The following MYO10 variants were observed in gnomAD, a reference collection of about 807,000 sequenced individuals.
The protein encoded by MYO10 is unconventional myosin-X.
MYO10 carries 133 observed loss-of-function variants against 257.3 expected under a neutral mutation model. The ratio of observed to expected loss-of-function variants is 0.52; its 90% CI spans 0.45 to 0.60. MYO10 has a LOEUF of 0.60. Among genes scored for constraint, MYO10 ranks in the 20% least tolerant of loss-of-function variants. The pLI, the probability that MYO10 is intolerant of heterozygous loss-of-function variation, is 0.00. For synonymous variants in MYO10, 1,104 were observed against 1,028.6 expected, an observed-to-expected ratio of 1.07 and a Z score of -1.40; for missense variants, 2,399 against 2,635.7, an observed-to-expected ratio of 0.91 and a Z score of 1.97.
intron 3 of MYO10, among the ~76,000 whole-genome samples, chr5:16,812,555 T>G (rs546175253): frequency 6.6e-4 from 100 of 152,332 alleles, no homozygotes; most frequent in African/African-American, 2.3e-3. Flanking sequence ...CAAGGCCATG[T>G]GCTGTGAGCT....
chr5:16,792,132 C>CACAGAGAG (rs755315207), intron 4 of MYO10, among the ~76,000 whole-genome samples: 15 of 75,380 alleles, frequency 2.0e-4, no homozygotes, highest in Admixed American at 1.0e-3. Flanking sequence ...CACACACACA[C>CACAGAGAG]AGAGAGAGAG....
At chr5:16,912,147 T>C (rs949342927) in intron 1 of MYO10, among the ~76,000 whole-genome samples, 1 of 152,202 alleles carries the variant, frequency 6.6e-6, no homozygotes, top group African/African-American at 2.4e-5. Context: ...CTTCTTCCAA[T>C]GTGGCCCAGG....
chr5:16,674,330 G>A (rs1215597326), intron 35 of MYO10, among the ~76,000 whole-genome samples: 6 of 151,996 alleles, frequency 3.9e-5, no homozygotes, highest in Non-Finnish European at 5.9e-5. Context: ...TTAGCCAGGC[G>A]TTGTGGCGGG....
At chr5:16,911,193 C>G (rs1745647899) in intron 1 of MYO10, among the ~76,000 whole-genome samples, 1 of 152,148 alleles carries the variant, frequency 6.6e-6, no homozygotes, top group Admixed American at 6.6e-5. Context: ...AGGATCCATT[C>G]AGAAAATACA....
In MYO10 at chr5:16,673,884, C is replaced by G. The variant is rs763156137; in HGVS notation, c.4970G>C (p.Arg1657Pro). 2 of 1,613,612 alleles carry G rather than the reference C, an allele frequency of 1.2e-6. No individual in the cohort carries two copies. Among genetic ancestry groups the G allele is most frequent in the Non-Finnish European group, 1.7e-6 (2 of 1,179,788 alleles). The change falls in exon 36 of 41, where the codon CGG (arginine) becomes CCG (proline). Residue 1657 changes from arginine to proline, a missense_variant. Arg to Pro is a moderately radical substitution (Grantham distance 103, BLOSUM62 -2). This residue lies in a region of MYO10 where 1,820 missense variants were observed against 1,939.4 expected (regional missense o/e 0.94). Transcript: ENST00000513610. ...KYLKFHLKRI[R>P]EQFPGSEMEK... The stretch of plus-strand genomic sequence containing the variant: ...CATCTCGCTTCCTGGAAACTGTTCC[C>G]GTATCCTAGGAGGCAAACACTAACT...
intron 9 of MYO10, among the ~76,000 whole-genome samples, chr5:16,777,067 A>T (rs1305781805): frequency 2.0e-5 from 3 of 152,216 alleles, no homozygotes; most frequent in African/African-American, 7.2e-5. Context: ...GACAGTAATA[A>T]ATGAACCGTG....
At chr5:16,809,495 G>A (rs1044313932) in intron 3 of MYO10, among the ~76,000 whole-genome samples, 36 of 152,354 alleles carry the variant, frequency 2.4e-4, no homozygotes, top group African/African-American at 8.2e-4. Context: ...ATGGCAAGCA[G>A]GCCGTGACTT....
chr5:16,694,324 T>C, intron 27 of MYO10, 47 bp downstream of exon 27: 4 of 1,611,162 alleles, frequency 2.5e-6, no homozygotes, highest in Admixed American at 1.7e-5. Context: ...ACCACCAGCA[T>C]AAACCATGAG....
At chr5:16,800,679 C>T (rs960358281) in intron 3 of MYO10, among the ~76,000 whole-genome samples, 1 of 152,186 alleles carries the variant, frequency 6.6e-6, no homozygotes, top group African/African-American at 2.4e-5. Context: ...TTCCGCTGTT[C>T]TCCAATCTGC....
chr5:16,928,961 GT>G (rs1400397279), intron 1 of MYO10, among the ~76,000 whole-genome samples: 19 of 148,406 alleles, frequency 1.3e-4, no homozygotes, highest in Non-Finnish European at 3.0e-5. Context: ...TTTTTTTTTG[GT>G]TTTTTTTTGA....
At chr5:16,794,449 T>G (rs147384904) in intron 4 of MYO10, among the ~76,000 whole-genome samples, 197 bp downstream of exon 4, 2 of 150,382 alleles carry the variant, frequency 1.3e-5, no homozygotes, top group Non-Finnish European at 2.9e-5. Flanking sequence ...CCAAGCAACA[T>G]GGTCCATCTG....
In MYO10 at chr5:16,883,938, C is replaced by T. The variant is rs59520796; in HGVS notation, c.22-6231G>A. ...AAAAAGAGAACATTCTTTAGCCAAACATACAACTTAGTCTCAGCCCCGGAA... is the reference window on the plus strand; with the variant it reads ...AAAAAGAGAACATTCTTTAGCCAAATATACAACTTAGTCTCAGCCCCGGAA... On this transcript the variant is annotated intron_variant, in intron 1 of 40. Coordinates refer to ENST00000513610, the MANE Select transcript of MYO10 (RefSeq NM_012334.3). Among the ~76,000 whole-genome samples the T allele has an allele frequency of 6.2e-3, 944 of 152,302 alleles. 15 individuals carry two copies. The highest frequency in any genetic ancestry group is 0.022 in the African/African-American group (898 of 41,550).
chr5:16,722,706 T>C (rs1739196496), intron 19 of MYO10, among the ~76,000 whole-genome samples: 1 of 152,238 alleles, frequency 6.6e-6, no homozygotes, highest in Admixed American at 6.5e-5. Context: ...GACCTATGTA[T>C]GTAATGTAAA....
chr5:16,813,133 C>T (rs1477063693), intron 3 of MYO10, among the ~76,000 whole-genome samples: 2 of 152,122 alleles, frequency 1.3e-5, no homozygotes, highest in African/African-American at 2.4e-5. Context: ...TGGAACCTGA[C>T]AGCTCAGAAC....
chr5:16,812,520 C>A (rs771597315), intron 3 of MYO10, among the ~76,000 whole-genome samples: 12 of 152,174 alleles, frequency 7.9e-5, no homozygotes, highest in Non-Finnish European at 1.6e-4. Flanking sequence ...ATCACATAAC[C>A]CTCAATGACA....
At chr5:16,762,440 A>C in intron 15 of MYO10, 105 bp downstream of exon 15, 1 of 890,062 alleles carries the variant, frequency 1.1e-6, no homozygotes. Flanking sequence ...TAAATGTTCA[A>C]TGTGGGAGGC....
chr5:16,702,469 A>G (rs1738125216), intron 24 of MYO10, 74 bp downstream of exon 24: 1 of 1,339,582 alleles, frequency 7.5e-7, no homozygotes, highest in African/African-American at 1.5e-5. Flanking sequence ...TCAGTTTTGA[A>G]TCCTAGAGTC....
At chr5:16,695,962 C>T (rs896565488) in intron 26 of MYO10, among the ~76,000 whole-genome samples, 13 of 152,140 alleles carry the variant, frequency 8.5e-5, no homozygotes, top group Non-Finnish European at 1.6e-4. Flanking sequence ...AACTTGCCAA[C>T]GGCTACCAGA....
At chr5:16,769,326 G>T (rs1740977003) in intron 9 of MYO10, 123 bp from the exon 10 acceptor site, 1 of 1,060,150 alleles carries the variant, frequency 9.4e-7, no homozygotes, top group Non-Finnish European at 1.3e-6. Flanking sequence ...AAAAATAGAT[G>T]CATAACCACT....
Sources: allele counts gnomAD v4.1 joint callset (sites outside exome capture counted in the v4.1 genomes callset), GRCh38; gene constraint gnomAD v4.1.1; regional missense constraint gnomAD v4.1.1; transcripts MANE v1.5; gene names NCBI Gene and HGNC (gene_info 2026-07-23, HGNC 2026-07-21).